Variants in FAAP24 observed in about 807,000 individuals in gnomAD.
FAAP24 encodes FA core complex associated protein 24.
FAAP24 carries 16 observed loss-of-function variants against 14.3 expected under a neutral mutation model. That is an observed-to-expected ratio of 1.12 (90% CI 0.76 to 1.69). The LOEUF (loss-of-function observed/expected upper bound fraction) is 1.69. FAAP24 is among the 40% of genes most tolerant of loss of function. The probability of loss-of-function intolerance (pLI) is 0.00; values close to 1 mark genes in which losing one functional copy is unlikely to be tolerated. For missense variants in FAAP24, 234 were observed against 262.7 expected, an observed-to-expected ratio of 0.89 and a Z score of 0.75; for synonymous variants, 111 against 106.2, an observed-to-expected ratio of 1.04 and a Z score of -0.28.
rs766253491 is a variant in FAAP24, at chr19:32,976,857, G to A, written c.*175G>A. The A allele has an allele frequency of 1.9e-5, 14 of 744,470 alleles. No homozygotes were observed. The highest frequency in any genetic ancestry group is 3.0e-5 in the Non-Finnish European group (14 of 474,078). The allele number at this position is 744,470 out of a possible 1,614,324, so 46.1% of individuals were successfully genotyped here. ...GAGGTCAGGAGTTCAAGACCAGCCT[G>A]GCCAACATGGAGAAACCCCTAAAAA... On this transcript the variant is annotated 3_prime_UTR_variant, in exon 5 of 5. Coordinates refer to ENST00000588258, the MANE Select transcript of FAAP24 (RefSeq NM_152266.5).
At position 32,973,202 on chromosome 19, in the gene FAAP24, A is replaced by C. The variant is rs774998677; in HGVS notation, c.6A>C (p.Glu2Asp). 1 of 1,613,004 alleles carries C rather than the reference A, an allele frequency of 6.2e-7. No homozygotes were observed. Among genetic ancestry groups the C allele is most frequent in the Admixed American group, 1.7e-5 (1 of 59,980 alleles). Residue 2 changes from glutamate (E) to aspartate (D), a missense_variant, in exon 2 of 5, where the codon GAA (glutamate) becomes GAC (aspartate). Physicochemically the swap from Glu to Asp is conservative, Grantham distance 45. Coordinates refer to ENST00000588258, the MANE Select transcript of FAAP24 (RefSeq NM_152266.5). Reference protein sequence around the residue: MEKNPPDDTGPV... With the variant: MDKNPPDDTGPV... ...TCCTTAGGTGGAGACCATCCATGGAAAAGAACCCCCCTGATGATACGGGCC... is the reference window on the plus strand; with the variant it reads ...TCCTTAGGTGGAGACCATCCATGGACAAGAACCCCCCTGATGATACGGGCC...
At chr19:32,972,704 CTTTTTCTTTTCT>C (rs1971447509) in intron 1 of FAAP24, among the ~76,000 whole-genome samples, 1 of 128,378 alleles carries the variant, frequency 7.8e-6, no homozygotes, top group Non-Finnish European at 1.6e-5. Flanking sequence ...TTTGTGTTTT[CTTTTTCTTTTCT>C]TTTTTTTTTT....
At chr19:32,973,690 G>C in intron 3 of FAAP24, 128 bp downstream of exon 3, 1 of 992,266 alleles carries the variant, frequency 1.0e-6, no homozygotes, top group African/African-American at 1.6e-5. Context: ...CCCTGTCTCT[G>C]CTAAAAATAC....
Position 32,977,978 on chromosome 19 carries a change from G to GTGTT in FAAP24, c.*1300_*1303dup. On this transcript the variant is annotated 3_prime_UTR_variant, in exon 5 of 5. Coordinates refer to ENST00000588258, the MANE Select transcript of FAAP24 (RefSeq NM_152266.5). ...CAACATGCATGAGGCAGAACAGGCT[G>GTGTT]TGTTTGTATATGAAAGGCCCAACAA... The GTGTT allele has an allele frequency of 6.6e-6, 1 of 152,148 alleles. No homozygotes were observed. Among genetic ancestry groups the GTGTT allele is most frequent in the African/African-American group, 2.4e-5 (1 of 41,516 alleles). 9.4% of individuals were successfully genotyped at this position (152,148 alleles called of 1,614,324 possible).
At chr19:32,973,073 A>G (rs1429773958) in intron 1 of FAAP24, 111 bp from the exon 2 acceptor site, 9 of 752,924 alleles carry the variant, frequency 1.2e-5, no homozygotes, top group East Asian at 7.7e-5. Flanking sequence ...TCTTTGACAA[A>G]TAATTCAGTT....
Position 32,977,397 on chromosome 19 carries a change from C to T in FAAP24, c.*715C>T. The T allele has an allele frequency of 2.5e-6, 1 of 398,572 alleles. No individual in the cohort carries two copies. The highest frequency in any genetic ancestry group is 4.4e-6 in the Non-Finnish European group (1 of 226,086). 24.7% of individuals were successfully genotyped at this position (398,572 alleles called of 1,614,324 possible). On this transcript the variant is annotated 3_prime_UTR_variant, in exon 5 of 5. Coordinates refer to ENST00000588258, the MANE Select transcript of FAAP24 (RefSeq NM_152266.5). ...CAAGGAAGCACTGTGTATCCTAAGC[C>T]CTGGGTTCCCAGAGTTTCACCTGCT...
chr19:32,975,460 C>CTT (rs35704162), intron 4 of FAAP24, among the ~76,000 whole-genome samples: 5 of 137,300 alleles, frequency 3.6e-5, no homozygotes, highest in Admixed American at 7.4e-5. Flanking sequence ...CCAACCAACA[C>CTT]TTTTTTTTTT....
At chr19:32,972,435 G>A (rs1568302546) in intron 1 of FAAP24, 89 bp downstream of exon 1, 4 of 400,566 alleles carry the variant, frequency 1.0e-5, no homozygotes, top group Non-Finnish European at 1.3e-5. Flanking sequence ...GGTTCTTAGA[G>A]AATTTATTTC....
In FAAP24 at chr19:32,972,273, A is replaced by G. The variant is rs955491692; in HGVS notation, c.-87A>G. On this transcript the variant is annotated 5_prime_UTR_variant, in exon 1 of 5. Transcript: ENST00000588258. Reference sequence around the variant, plus strand: ...CCGGAAGGTGGCGCGGCCACCAGTAACATGATCTCTAGACTGGGACGGTGG... The same window carrying G: ...CCGGAAGGTGGCGCGGCCACCAGTAGCATGATCTCTAGACTGGGACGGTGG... 3 of 456,532 alleles carry G rather than the reference A, an allele frequency of 6.6e-6. No homozygotes were observed. The highest frequency in any genetic ancestry group is 3.9e-5 in the African/African-American group (2 of 51,226). The allele number at this position is 456,532 out of a possible 1,614,324, so 28.3% of individuals were successfully genotyped here.
At chr19:32,972,844 G>C (rs1026832044) in intron 1 of FAAP24, among the ~76,000 whole-genome samples, 1 of 151,052 alleles carries the variant, frequency 6.6e-6, no homozygotes, top group Non-Finnish European at 1.5e-5. Flanking sequence ...CTCCCAAGTG[G>C]CTGGGATTAC....
rs1354230984 is a variant in FAAP24 at position 32,977,024 on chromosome 19, G to A, written c.*342G>A. 1 of 396,998 alleles carries A rather than the reference G, an allele frequency of 2.5e-6. No individual in the cohort carries two copies. The highest frequency in any genetic ancestry group is 2.1e-5 in the African/African-American group (1 of 47,276). 24.6% of individuals were successfully genotyped at this position (396,998 alleles called of 1,614,324 possible). On this transcript the variant is annotated 3_prime_UTR_variant, in exon 5 of 5. Transcript: ENST00000588258. ...CCACTGCACTCCAGCCTGGGCACCAGAGCGAGACTCCGTCTCAAAGAAAAC... is the reference window on the plus strand; with the variant it reads ...CCACTGCACTCCAGCCTGGGCACCAAAGCGAGACTCCGTCTCAAAGAAAAC...
chr19:32,975,485 G>A (rs1158152086), intron 4 of FAAP24, among the ~76,000 whole-genome samples: 32 of 141,276 alleles, frequency 2.3e-4, no homozygotes, highest in Non-Finnish European at 4.4e-4. Flanking sequence ...TTGAGATGGA[G>A]TTTCGCTCTT....
At position 32,974,197 on chromosome 19, in the gene FAAP24, C is replaced by T. The variant is rs778832867; in HGVS notation, c.381C>T (p.Cys127=). Reference sequence around the variant, plus strand: ...TGGCCAGCCAGATGGAAGCATCCTGCCTCGTCATCCAGTTGGTGAGTACCG... The same window carrying T: ...TGGCCAGCCAGATGGAAGCATCCTGTCTCGTCATCCAGTTGGTGAGTACCG... ...LPVASQMEAS[C]LVIQLVQEQT... The change falls in exon 4 of 5, where the codon TGC becomes TGT. Residue 127 remains cysteine, a synonymous_variant. Coordinates refer to ENST00000588258, the MANE Select transcript of FAAP24 (RefSeq NM_152266.5). The T allele has an allele frequency of 1.2e-6, 2 of 1,613,204 alleles. No homozygotes were observed. The highest frequency in any genetic ancestry group is 1.7e-6 in the Non-Finnish European group (2 of 1,179,774).
chr19:32,973,811 C>T (rs570779018), intron 3 of FAAP24, among the ~76,000 whole-genome samples: 18 of 152,252 alleles, frequency 1.2e-4, no homozygotes, highest in African/African-American at 2.4e-4. Context: ...GCCGAGATCA[C>T]GCCACTGCAC....
chr19:32,973,852 C>T (rs1409410569), intron 3 of FAAP24, among the ~76,000 whole-genome samples: 1 of 152,082 alleles, frequency 6.6e-6, no homozygotes, highest in African/African-American at 2.4e-5. Flanking sequence ...GAGATTCCAA[C>T]TCAAAAAACA....
intron 4 of FAAP24, 125 bp downstream of exon 4, chr19:32,974,337 A>C: frequency 8.5e-7 from 1 of 1,173,796 alleles, no homozygotes; most frequent in African/African-American, 1.5e-5. Context: ...CTCTTCGAGG[A>C]ATTTAAATGC....
At chr19:32,973,081 G>A in intron 1 of FAAP24, 103 bp from the exon 2 acceptor site, 1 of 791,468 alleles carries the variant, frequency 1.3e-6, no homozygotes, top group Non-Finnish European at 2.1e-6. Flanking sequence ...AAATAATTCA[G>A]TTTGCAGAGG....
intron 4 of FAAP24, among the ~76,000 whole-genome samples, chr19:32,975,540 A>G (rs1463666477): frequency 1.3e-5 from 2 of 148,208 alleles, no homozygotes; most frequent in African/African-American, 2.5e-5. Context: ...GCTCACTGCA[A>G]CCTCCTCCTC....
At chr19:32,975,032 C>G (rs941602093) in intron 4 of FAAP24, among the ~76,000 whole-genome samples, 17 of 149,130 alleles carry the variant, frequency 1.1e-4, no homozygotes, top group Non-Finnish European at 1.8e-4. Context: ...CGCACCACCA[C>G]ACCCGGCTAA....
Sources: allele counts gnomAD v4.1 joint callset (sites outside exome capture counted in the v4.1 genomes callset), GRCh38; gene constraint gnomAD v4.1.1; transcripts MANE v1.5; gene names NCBI Gene and HGNC (gene_info 2026-07-23, HGNC 2026-07-21).